KIF16B: variants seen among roughly 807,000 people sequenced by gnomAD.
KIF16B encodes the protein kinesin-like protein KIF16B.
KIF16B carries 98 observed loss-of-function variants against 156.3 expected under a neutral mutation model. The ratio of observed to expected loss-of-function variants is 0.63; its 90% CI spans 0.53 to 0.74. The LOEUF (loss-of-function observed/expected upper bound fraction) is 0.74, where lower values mean the gene tolerates loss of function less well. KIF16B is among the 30% of genes least tolerant of loss of function. KIF16B has a pLI of 0.00. For synonymous variants in KIF16B, 564 were observed against 583.7 expected, an observed-to-expected ratio of 0.97 and a Z score of 0.49; for missense variants, 1,421 against 1,606.5, an observed-to-expected ratio of 0.88 and a Z score of 1.97.
intron 1 of KIF16B, among the ~76,000 whole-genome samples, chr20:16,534,090 T>C (rs1288980088): frequency 6.6e-6 from 1 of 152,048 alleles, no homozygotes; most frequent in Non-Finnish European, 1.5e-5. Flanking sequence ...AAACCCCATC[T>C]CTACTAAAAA....
intron 1 of KIF16B, among the ~76,000 whole-genome samples, chr20:16,568,852 A>G (rs866187642): frequency 7.6e-5 from 9 of 118,136 alleles, no homozygotes; most frequent in Non-Finnish European, 1.0e-4. Context: ...AAAAAAAAAA[A>G]GGCATAGCTG....
intron 12 of KIF16B, among the ~76,000 whole-genome samples, chr20:16,444,585 C>A (rs2066884411): frequency 6.6e-6 from 1 of 152,166 alleles, no homozygotes; most frequent in Non-Finnish European, 1.5e-5. Flanking sequence ...TACTACCTAG[C>A]CTTTCGGAGC....
intron 21 of KIF16B, among the ~76,000 whole-genome samples, chr20:16,371,150 GAATT>G (rs1201436331): frequency 1.3e-5 from 2 of 152,254 alleles, no homozygotes; most frequent in South Asian, 2.1e-4. Flanking sequence ...CTGAATTCCT[GAATT>G]AATACTATTT....
intron 3 of KIF16B, among the ~76,000 whole-genome samples, chr20:16,516,234 A>G (rs185326796): frequency 3.3e-5 from 5 of 152,134 alleles, no homozygotes; most frequent in Admixed American, 3.3e-4. Flanking sequence ...GCTTTTTCCT[A>G]TTTGGACATT....
At chr20:16,467,254 C>T (rs1485511300) in intron 12 of KIF16B, among the ~76,000 whole-genome samples, 1 of 152,126 alleles carries the variant, frequency 6.6e-6, no homozygotes, top group African/African-American at 2.4e-5. Flanking sequence ...ACAAGCTCAC[C>T]AAAAGACTGA....
At chr20:16,382,548 T>C (rs2065123256) in intron 17 of KIF16B, among the ~76,000 whole-genome samples, 1 of 152,214 alleles carries the variant, frequency 6.6e-6, no homozygotes, top group African/African-American at 2.4e-5. Context: ...AGATTCATAG[T>C]GGTGGTACAA....
At chr20:16,537,124 T>A (rs1018365784) in intron 1 of KIF16B, among the ~76,000 whole-genome samples, 1 of 152,106 alleles carries the variant, frequency 6.6e-6, no homozygotes, top group Admixed American at 6.5e-5. Context: ...GAGCCTTCCA[T>A]AAAACACATC....
intron 25 of KIF16B, among the ~76,000 whole-genome samples, chr20:16,305,204 C>T (rs563033950): frequency 2.0e-5 from 3 of 151,982 alleles, no homozygotes; most frequent in Non-Finnish European, 2.9e-5. Context: ...ATTGTTCTCC[C>T]GTGGACCACA....
At position 16,441,409 on chromosome 20, in the gene KIF16B, T is replaced by C. The variant is rs568471549; in HGVS notation, c.1303-11427A>G. Among the ~76,000 whole-genome samples, 3 of 152,296 alleles carry C rather than the reference T, an allele frequency of 2.0e-5. No individual in the cohort carries two copies. In the South Asian group the frequency reaches 6.2e-4, roughly 32 times the overall value. Reference sequence around the variant, plus strand: ...GAGTCAGTTAGAGCCTACTCAGGACTACTGTGGCCCCTTCCTCTGCACTGA... The same window carrying C: ...GAGTCAGTTAGAGCCTACTCAGGACCACTGTGGCCCCTTCCTCTGCACTGA... On this transcript the variant is annotated intron_variant, in intron 12 of 25. Transcript: ENST00000354981.
chr20:16,536,303 T>C (rs377073838), intron 1 of KIF16B, among the ~76,000 whole-genome samples: 2 of 151,022 alleles, frequency 1.3e-5, no homozygotes, highest in East Asian at 2.0e-4. Context: ...CATATGGAGA[T>C]AGAGAGTAGA....
At chr20:16,317,772 G>A (rs6111052) in intron 24 of KIF16B, among the ~76,000 whole-genome samples, 45,689 of 152,034 alleles carry the variant, frequency 0.3, 7,352 homozygotes, top group East Asian at 0.58. Context: ...GGGAGACAAG[G>A]GTGGCCTGCC....
At chr20:16,428,715 G>C (rs1436443092) in intron 14 of KIF16B, among the ~76,000 whole-genome samples, 1 of 152,140 alleles carries the variant, frequency 6.6e-6, no homozygotes, top group Non-Finnish European at 1.5e-5. Context: ...GTGGGAGAAA[G>C]GGTTTATTGG....
intron 23 of KIF16B, among the ~76,000 whole-genome samples, chr20:16,347,423 G>A (rs2064253731): frequency 1.3e-5 from 2 of 152,114 alleles, no homozygotes; most frequent in South Asian, 4.1e-4. Context: ...AATAATAACT[G>A]CTTTTCTTCT....
chr20:16,421,015 G>C (rs933161264), intron 15 of KIF16B, among the ~76,000 whole-genome samples: 6 of 152,132 alleles, frequency 3.9e-5, no homozygotes, highest in Admixed American at 3.9e-4. Context: ...ATGGTCTGCT[G>C]TAATTATTTT....
At position 16,277,402 on chromosome 20, in the gene KIF16B, T is replaced by C. The variant is rs140327898; in HGVS notation, c.3796-3991A>G. On this transcript the variant is annotated intron_variant, in intron 25 of 25. Transcript: ENST00000354981. ...CAATAAAGAAGTTTCCTGTAGAGAT[T>C]TACACTCAAATCTAAGCTTAGCCAA... Among the ~76,000 whole-genome samples, 11 of 151,176 alleles carry C rather than the reference T, an allele frequency of 7.3e-5. No homozygotes were observed. In the East Asian group the frequency reaches 2.1e-3, roughly 29 times the overall value.
chr20:16,394,918 A>T (rs188152926), intron 17 of KIF16B, among the ~76,000 whole-genome samples: 1 of 152,062 alleles, frequency 6.6e-6, no homozygotes. Flanking sequence ...AGCCCTTTCT[A>T]CATTGTTAGA....
intron 1 of KIF16B, among the ~76,000 whole-genome samples, chr20:16,542,126 C>T (rs372976985): frequency 1.3e-5 from 2 of 152,272 alleles, no homozygotes; most frequent in Admixed American, 6.5e-5. Flanking sequence ...CTGGGGCTAC[C>T]GAGCTAGACA....
chr20:16,351,044 C>G (rs971416720), intron 23 of KIF16B, among the ~76,000 whole-genome samples: 1 of 152,062 alleles, frequency 6.6e-6, no homozygotes, highest in African/African-American at 2.4e-5. Context: ...AAGGGGAGTA[C>G]CCCTGGTGAC....
chr20:16,495,617 G>A (rs1381162960), intron 11 of KIF16B, among the ~76,000 whole-genome samples: 1 of 152,144 alleles, frequency 6.6e-6, no homozygotes, highest in African/African-American at 2.4e-5. Flanking sequence ...TCACCTTCTT[G>A]ATGAAAAACA....
Sources: allele counts gnomAD v4.1 joint callset (sites outside exome capture counted in the v4.1 genomes callset), GRCh38; gene constraint gnomAD v4.1.1; transcripts MANE v1.5; gene names NCBI Gene and HGNC (gene_info 2026-07-23, HGNC 2026-07-21).